The following OTOGL variants were observed in gnomAD, a reference collection of about 807,000 sequenced individuals.
OTOGL encodes the protein otogelin like.
A neutral mutation model predicts 318.5 loss-of-function variants in OTOGL; 285 were observed. That is an observed-to-expected ratio of 0.89 (90% CI 0.81 to 0.99). The LOEUF is 0.99. OTOGL is among the 50% of genes least tolerant of loss of function. The probability of loss-of-function intolerance (pLI) is 0.00; values close to 1 mark genes in which losing one functional copy is unlikely to be tolerated. For missense variants in OTOGL, 2,899 were observed against 2,845.6 expected (o/e 1.02, Z -0.43); for synonymous variants, 987 against 936.5 (o/e 1.05, Z -0.99).
chr12:80,337,495 A>C (rs575891848), intron 42 of OTOGL, among the ~76,000 whole-genome samples: 10 of 152,162 alleles, frequency 6.6e-5, no homozygotes, highest in Non-Finnish European at 1.3e-4. Context: ...AAAAATATTT[A>C]ACTTTTTTGA....
intron 26 of OTOGL, among the ~76,000 whole-genome samples, chr12:80,290,819 A>G (rs1433439527): frequency 6.6e-6 from 1 of 152,218 alleles, no homozygotes; most frequent in Non-Finnish European, 1.5e-5. Flanking sequence ...GGGGCCTATT[A>G]AATGTAAAGC....
chr12:80,347,853 C>T (rs1450684554), intron 44 of OTOGL, among the ~76,000 whole-genome samples: 1 of 152,110 alleles, frequency 6.6e-6, no homozygotes, highest in Non-Finnish European at 1.5e-5. Context: ...TTTTGTTTTG[C>T]ATTTCTCTAA....
chr12:80,128,117 T>C (rs972221876), intron 1 of OTOGL, among the ~76,000 whole-genome samples: 23 of 152,240 alleles, frequency 1.5e-4, no homozygotes, highest in Non-Finnish European at 2.8e-4. Flanking sequence ...AGAGGAGCTC[T>C]GATTTTTAGA....
chr12:80,216,343 T>C (rs1337099866), intron 4 of OTOGL, among the ~76,000 whole-genome samples: 1 of 152,224 alleles, frequency 6.6e-6, no homozygotes, highest in African/African-American at 2.4e-5. Context: ...TATCATCTGC[T>C]ACTTAATTTG....
intron 1 of OTOGL, among the ~76,000 whole-genome samples, chr12:80,113,916 T>A (rs1178590104): frequency 2.0e-5 from 3 of 152,198 alleles, no homozygotes; most frequent in Admixed American, 1.3e-4. Context: ...AAGTCTGTTT[T>A]ATGAGACTAG....
chr12:80,249,873 C>T (rs560206689), intron 11 of OTOGL, among the ~76,000 whole-genome samples: 14 of 152,214 alleles, frequency 9.2e-5, no homozygotes, highest in Admixed American at 2.0e-4. Flanking sequence ...CGTGGTGCGC[C>T]GTTTTTTAAG....
At chr12:80,178,059 T>A (rs1165184046) in intron 1 of OTOGL, among the ~76,000 whole-genome samples, 1 of 133,018 alleles carries the variant, frequency 7.5e-6, no homozygotes, top group Non-Finnish European at 1.6e-5. Context: ...CTTTCTTTCT[T>A]TCTTTTTTTT....
intron 1 of OTOGL, among the ~76,000 whole-genome samples, chr12:80,121,749 G>A (rs1421064318): frequency 1.3e-5 from 2 of 152,152 alleles, no homozygotes; most frequent in African/African-American, 4.8e-5. Context: ...TTATGAGGAT[G>A]GTAGAATCAT....
intron 1 of OTOGL, among the ~76,000 whole-genome samples, chr12:80,207,068 C>T (rs1565899548): frequency 6.9e-6 from 1 of 144,602 alleles, no homozygotes; most frequent in Non-Finnish European, 1.5e-5. Context: ...CATGACTTTA[C>T]ATTGCTGCTT....
chr12:80,276,371 A>G (rs1377599329), intron 24 of OTOGL, among the ~76,000 whole-genome samples: 1 of 151,818 alleles, frequency 6.6e-6, no homozygotes, highest in Non-Finnish European at 1.5e-5. Flanking sequence ...TGGTTAGAAT[A>G]GTGCCTTGCC....
At chr12:80,169,727 C>T (rs1046543784) in intron 1 of OTOGL, among the ~76,000 whole-genome samples, 5 of 152,068 alleles carry the variant, frequency 3.3e-5, no homozygotes, top group Non-Finnish European at 5.9e-5. Context: ...TTTTTCTGTC[C>T]TTATAGCTTT....
intron 22 of OTOGL, among the ~76,000 whole-genome samples, chr12:80,269,596 G>C (rs950367771): frequency 6.6e-6 from 1 of 152,068 alleles, no homozygotes; most frequent in Non-Finnish European, 1.5e-5. Flanking sequence ...ACTTCTTCAT[G>C]GTTTATGTGT....
At chr12:80,372,753 A>G (rs982113838) in intron 57 of OTOGL, among the ~76,000 whole-genome samples, 1 of 151,268 alleles carries the variant, frequency 6.6e-6, no homozygotes, top group Admixed American at 6.6e-5. Flanking sequence ...TAGTGGCATG[A>G]TCTTAGCTCA....
Position 80,243,658 on chromosome 12 carries a change from A to G in OTOGL, c.1052+4219A>G, listed in dbSNP as rs1236488990. Among the ~76,000 whole-genome samples the G allele has an allele frequency of 2.6e-5, 4 of 151,700 alleles. No homozygotes were observed. The East Asian group carries it at 7.7e-4, about 29-fold the overall frequency. Reference sequence around the variant, plus strand: ...AATGTATGTTGAGAAAATAATTGATATAATCATAAACTGGAAAGGATAAAA... The same window carrying G: ...AATGTATGTTGAGAAAATAATTGATGTAATCATAAACTGGAAAGGATAAAA... On this transcript the variant is annotated intron_variant, in intron 11 of 58. Transcript: ENST00000547103.
chr12:80,115,813 G>A (rs142065722), intron 1 of OTOGL, among the ~76,000 whole-genome samples: 84 of 152,282 alleles, frequency 5.5e-4, no homozygotes, highest in African/African-American at 1.9e-3. Flanking sequence ...GGTGGGCTCT[G>A]CCCAGTTTGA....
At chr12:80,128,722 G>T (rs1871030685) in intron 1 of OTOGL, among the ~76,000 whole-genome samples, 1 of 152,150 alleles carries the variant, frequency 6.6e-6, no homozygotes, top group South Asian at 2.1e-4. Flanking sequence ...TGTTTACCTA[G>T]TCAAGCTTTG....
At chr12:80,192,615 TG>T (rs2137265101) in intron 1 of OTOGL, among the ~76,000 whole-genome samples, 1 of 152,346 alleles carries the variant, frequency 6.6e-6, no homozygotes, top group South Asian at 2.1e-4. Context: ...ATTACCCAAC[TG>T]CCACTCTGGT....
At chr12:80,294,148 G>A (rs929831526) in intron 26 of OTOGL, among the ~76,000 whole-genome samples, 2 of 151,976 alleles carry the variant, frequency 1.3e-5, no homozygotes, top group Non-Finnish European at 2.9e-5. Flanking sequence ...TAACAACTCT[G>A]TGGCATTATT....
chr12:80,368,376 G>T lies in OTOGL; in HGVS notation c.6615+67G>T, dbSNP rs995529259. ...GGAGGAGTTCTTGAGTCAAAGTTTG[G>T]AAAATGTCCCCCCCCACACACACTG... On this transcript the variant is annotated intron_variant, in intron 55 of 58. Transcript: ENST00000547103. The T allele has an allele frequency of 2.8e-6, 3 of 1,071,418 alleles. No homozygotes were observed. In the South Asian group the frequency reaches 4.4e-5, roughly 16 times the overall value. 66.4% of individuals were successfully genotyped at this position (1,071,418 alleles called of 1,614,324 possible). A position where few individuals can be genotyped will look rare whatever the true frequency, so the allele number is the denominator to read the frequency against.
Sources: allele counts gnomAD v4.1 joint callset (sites outside exome capture counted in the v4.1 genomes callset), GRCh38; gene constraint gnomAD v4.1.1; transcripts MANE v1.5; gene names NCBI Gene and HGNC (gene_info 2026-07-23, HGNC 2026-07-21).